VWA8: variants seen among roughly 807,000 people sequenced by gnomAD.
VWA8 encodes the protein von Willebrand factor A domain-containing protein 8.
In VWA8, 221 loss-of-function variants were observed where a neutral mutation model predicts 241.5. The ratio of observed to expected loss-of-function variants is 0.91; its 90% confidence interval spans 0.82 to 1.02. The LOEUF is 1.02. Among genes scored for constraint, VWA8 ranks in the 50% least tolerant of loss-of-function variants. VWA8 has a pLI of 0.00. For missense variants in VWA8, 2,322 were observed against 2,328.7 expected (o/e 1.00, Z 0.06); for synonymous variants, 852 against 827.1 (o/e 1.03, Z -0.52).
intron 21 of VWA8, among the ~76,000 whole-genome samples, chr13:41,750,598 A>G (rs181355710): frequency 1.4e-4 from 22 of 152,326 alleles, no homozygotes; most frequent in African/African-American, 4.8e-4. Flanking sequence ...AATATTTTCA[A>G]ATGTTCAAGA....
At chr13:41,753,033 G>A (rs931284148) in intron 21 of VWA8, among the ~76,000 whole-genome samples, 3 of 152,150 alleles carry the variant, frequency 2.0e-5, no homozygotes, top group African/African-American at 7.2e-5. Flanking sequence ...ACCTTGAAGG[G>A]TTGGGGGAGA....
intron 37 of VWA8, among the ~76,000 whole-genome samples, chr13:41,659,103 C>G (rs2044931124): frequency 6.6e-6 from 1 of 152,192 alleles, no homozygotes; most frequent in African/African-American, 2.4e-5. Flanking sequence ...GATCACTGGA[C>G]AGGAGCAAGG....
chr13:41,680,633 G>C (rs1332706562), intron 35 of VWA8, among the ~76,000 whole-genome samples: 1 of 152,124 alleles, frequency 6.6e-6, no homozygotes, highest in Admixed American at 6.5e-5. Flanking sequence ...GTCAGAAAAA[G>C]GTAATGTGAA....
At chr13:41,920,557 A>G (rs944089750) in intron 2 of VWA8, among the ~76,000 whole-genome samples, 1 of 152,198 alleles carries the variant, frequency 6.6e-6, no homozygotes, top group Non-Finnish European at 1.5e-5. Flanking sequence ...CTAATAAAGA[A>G]GAAAAGAGAG....
At chr13:41,867,499 C>A (rs912166891) in intron 10 of VWA8, among the ~76,000 whole-genome samples, 1 of 152,222 alleles carries the variant, frequency 6.6e-6, no homozygotes, top group Non-Finnish European at 1.5e-5. Flanking sequence ...AACCTCTTTA[C>A]ATCTCAGTTT....
intron 37 of VWA8, among the ~76,000 whole-genome samples, chr13:41,615,299 CTTAAAGAAAAGTAAAGGAGCTGGACTGCA>C (rs1348806137): frequency 6.6e-6 from 1 of 152,088 alleles, no homozygotes; most frequent in African/African-American, 2.4e-5. Context: ...TTAAAAAACT[CTTAAAGAAAAGTAAAGGAGCTGGACTGCA>C]TTATAGCTAC....
At chr13:41,690,957 A>G (rs1380823451) in intron 32 of VWA8, among the ~76,000 whole-genome samples, 1 of 152,170 alleles carries the variant, frequency 6.6e-6, no homozygotes, top group African/African-American at 2.4e-5. Flanking sequence ...ATTTACAAAG[A>G]GGCAACAGCT....
At chr13:41,863,427 GTGTGTGTATA>G (rs1191694288) in intron 12 of VWA8, among the ~76,000 whole-genome samples, 1,876 of 71,078 alleles carry the variant, frequency 0.026, 45 homozygotes, top group Non-Finnish European at 0.032. Flanking sequence ...GTGTGTGTGT[GTGTGTGTATA>G]TATATATATA....
chr13:41,883,812 T>G (rs2138075746), intron 8 of VWA8, among the ~76,000 whole-genome samples: 1 of 152,290 alleles, frequency 6.6e-6, no homozygotes, highest in South Asian at 2.1e-4. Context: ...TATATGAATA[T>G]CCCATAGACC....
intron 39 of VWA8, among the ~76,000 whole-genome samples, chr13:41,610,441 AG>A (rs2044579970): frequency 6.6e-6 from 1 of 152,320 alleles, no homozygotes; most frequent in Admixed American, 6.5e-5. Context: ...AGCCAGCAGA[AG>A]GGCTGAGAGC....
At chr13:41,854,405 GA>G (rs1438323042) in intron 12 of VWA8, among the ~76,000 whole-genome samples, 2 of 151,898 alleles carry the variant, frequency 1.3e-5, no homozygotes, top group African/African-American at 2.4e-5. Flanking sequence ...AAGTGCTTTA[GA>G]AGAGTCAGAC....
At chr13:41,886,518 C>T (rs903094270) in intron 7 of VWA8, among the ~76,000 whole-genome samples, 2 of 152,204 alleles carry the variant, frequency 1.3e-5, no homozygotes, top group Non-Finnish European at 2.9e-5. Flanking sequence ...TATAAAGTCT[C>T]AACTAATGCC....
chr13:41,675,890 T>C (rs1372843203), intron 35 of VWA8, among the ~76,000 whole-genome samples: 14 of 152,196 alleles, frequency 9.2e-5, no homozygotes. Flanking sequence ...GGGTTGCTCA[T>C]CACACAGTAT....
At chr13:41,693,051 C>A in intron 29 of VWA8, 79 bp from the exon 30 acceptor site, 3 of 896,932 alleles carry the variant, frequency 3.3e-6, no homozygotes, top group Non-Finnish European at 5.1e-6. Context: ...CTCTTGGCAA[C>A]CTGACAGTGA....
chr13:41,587,063 G>A (rs2044423280), intron 42 of VWA8, among the ~76,000 whole-genome samples: 1 of 152,172 alleles, frequency 6.6e-6, no homozygotes, highest in Non-Finnish European at 1.5e-5. Flanking sequence ...TTTCTCCTGG[G>A]ATAATCATCA....
chr13:41,940,943 G>A (rs1247184284), intron 2 of VWA8, among the ~76,000 whole-genome samples: 1 of 152,146 alleles, frequency 6.6e-6, no homozygotes, highest in Non-Finnish European at 1.5e-5. Flanking sequence ...GGGTCTACAG[G>A]CTATCCAAAT....
intron 14 of VWA8, among the ~76,000 whole-genome samples, chr13:41,820,717 G>A (rs1870916835): frequency 6.6e-6 from 1 of 152,206 alleles, no homozygotes; most frequent in African/African-American, 2.4e-5. Context: ...TGAAAGTCCA[G>A]AGGATAGCAC....
At chr13:41,793,814 C>CA (rs937827705) in intron 17 of VWA8, among the ~76,000 whole-genome samples, 33 of 151,650 alleles carry the variant, frequency 2.2e-4, no homozygotes, top group Non-Finnish European at 4.0e-4. Context: ...GACTCCATCT[C>CA]AAAAAAAATA....
intron 27 of VWA8, among the ~76,000 whole-genome samples, chr13:41,701,848 G>A (rs1445913145): frequency 6.6e-6 from 1 of 152,170 alleles, no homozygotes; most frequent in African/African-American, 2.4e-5. Context: ...TGAACTCCAA[G>A]TATCAGGACG....
Sources: gnomAD v4.1 joint callset for allele counts (sites outside exome capture counted in the v4.1 genomes callset) on GRCh38, gnomAD v4.1.1 for gene constraint, MANE v1.5 for transcripts, NCBI Gene and HGNC (gene_info 2026-07-23, HGNC 2026-07-21) for gene names.